Variants in PHF21B observed in about 807,000 individuals in gnomAD.
The protein encoded by PHF21B is PHD finger protein 21B.
A neutral mutation model predicts 62.2 loss-of-function variants in PHF21B; 22 were observed. The observed-to-expected ratio is 0.35, with a 90% CI of 0.25 to 0.51. The LOEUF (loss-of-function observed/expected upper bound fraction) is 0.51, where lower values mean the gene tolerates loss of function less well. PHF21B is among the 20% of genes least tolerant of loss of function. The pLI, the probability that PHF21B is intolerant of heterozygous loss-of-function variation, is 0.97. For missense variants in PHF21B, 701 were observed against 707.9 expected (o/e 0.99, Z 0.11); for synonymous variants, 341 against 314.7 (o/e 1.08, Z -0.88).
chr22:44,970,191 A>G (rs552827452), intron 2 of PHF21B, among the ~76,000 whole-genome samples: 2 of 152,380 alleles, frequency 1.3e-5, no homozygotes, highest in Admixed American at 6.5e-5. Context: ...CACTAGGAAG[A>G]AAGATTAAAA....
chr22:45,003,139 T>G (rs1048673125), intron 2 of PHF21B: 1 of 152,262 alleles, frequency 6.6e-6, no homozygotes, highest in African/African-American at 2.4e-5. Context: ...CTGGGTCCAC[T>G]CATTTCAACA....
At chr22:44,920,525 G>T in intron 2 of PHF21B, 35 bp from the exon 3 acceptor site, 1 of 1,549,106 alleles carries the variant, frequency 6.5e-7, no homozygotes, top group African/African-American at 1.4e-5. Flanking sequence ...TGAGACAGGA[G>T]GAGCAGCTGA....
chr22:44,893,472 G>A lies in PHF21B; in HGVS notation c.945C>T (p.Gly315=). 1 of 1,600,658 alleles carries A rather than the reference G, an allele frequency of 6.2e-7. No homozygotes were observed. The highest frequency in any genetic ancestry group is 8.5e-7 in the Non-Finnish European group (1 of 1,173,926). ...RRSTANPAYS[G]LLETERKRLA... ...GGTTCCCCACCTCGGTCTCCAGGAG[G>A]CCGCTGTAGGCAGGGTTGGCTGTGC... The change falls in exon 7 of 13, where the codon GGC becomes GGT. Residue 315 remains glycine (G), a synonymous_variant. Coordinates refer to ENST00000313237, the MANE Select transcript of PHF21B (RefSeq NM_138415.5).
intron 2 of PHF21B, among the ~76,000 whole-genome samples, chr22:44,954,742 T>A (rs2072260585): frequency 6.6e-6 from 1 of 152,218 alleles, no homozygotes; most frequent in South Asian, 2.1e-4. Flanking sequence ...ATTGTGTTTG[T>A]AGAGACCGGG....
chr22:44,931,398 C>A (rs546503003), intron 2 of PHF21B, among the ~76,000 whole-genome samples: 2 of 152,100 alleles, frequency 1.3e-5, no homozygotes, highest in African/African-American at 4.8e-5. Flanking sequence ...CCAGGCCGGC[C>A]GAGGCAGGCT....
At chr22:44,991,364 T>G (rs1349413307) in intron 2 of PHF21B, among the ~76,000 whole-genome samples, 1 of 152,148 alleles carries the variant, frequency 6.6e-6, no homozygotes, top group African/African-American at 2.4e-5. Flanking sequence ...TTCCGGTGCC[T>G]GGAAAACCCA....
intron 2 of PHF21B, among the ~76,000 whole-genome samples, chr22:44,962,697 A>T (rs919257973): frequency 6.6e-6 from 1 of 152,008 alleles, no homozygotes; most frequent in Non-Finnish European, 1.5e-5. Context: ...GTCCCATATA[A>T]CCCAGCGTCT....
chr22:44,906,888 C>T (rs1365088101), intron 5 of PHF21B, among the ~76,000 whole-genome samples: 2 of 151,910 alleles, frequency 1.3e-5, no homozygotes, highest in African/African-American at 2.4e-5. Flanking sequence ...GACACTGCTA[C>T]CTCACATCCC....
chr22:44,997,893 C>G (rs2147520846), intron 2 of PHF21B, among the ~76,000 whole-genome samples: 1 of 152,334 alleles, frequency 6.6e-6, no homozygotes, highest in African/African-American at 2.4e-5. Context: ...GGAGGCCCGC[C>G]CTTCCAAATT....
Position 44,953,133 on chromosome 22 carries a change from G to A in PHF21B, c.121-32643C>T, listed in dbSNP as rs543313038. 2.0e-5 allele frequency among the ~76,000 whole-genome samples: 3 copies of A among 152,322 alleles called. No homozygotes were observed. In the South Asian group the frequency reaches 6.2e-4, roughly 32 times the overall value. On this transcript the variant is annotated intron_variant, in intron 2 of 12. Coordinates refer to ENST00000313237, the MANE Select transcript of PHF21B (RefSeq NM_138415.5). ...GGCCCAGGGTGCCCATGAACACTGA[G>A]CCAGAAGGAGAAGGTCCCCACAGGA...
intron 2 of PHF21B, among the ~76,000 whole-genome samples, chr22:44,930,110 C>T (rs1021397081): frequency 2.6e-5 from 4 of 152,232 alleles, no homozygotes; most frequent in South Asian, 4.1e-4. Context: ...GTGAACAACA[C>T]GAGCACCTGC....
intron 2 of PHF21B, among the ~76,000 whole-genome samples, chr22:44,936,829 C>A (rs2071857445): frequency 6.7e-6 from 1 of 148,992 alleles, no homozygotes. Flanking sequence ...CTACAGGAAA[C>A]TTGTAATTTA....
intron 5 of PHF21B, among the ~76,000 whole-genome samples, chr22:44,900,672 G>C (rs2071142171): frequency 6.6e-6 from 1 of 151,984 alleles, no homozygotes; most frequent in South Asian, 2.1e-4. Context: ...TCCTTGGCTT[G>C]TTCTTTCTTT....
At chr22:44,965,568 G>A (rs757669836) in intron 2 of PHF21B, among the ~76,000 whole-genome samples, 9 of 151,998 alleles carry the variant, frequency 5.9e-5, no homozygotes, top group Non-Finnish European at 1.2e-4. Context: ...CACCCCAGAT[G>A]CAGCCTCTCC....
chr22:44,979,510 A>C (rs1309881445), intron 2 of PHF21B, among the ~76,000 whole-genome samples: 1 of 152,186 alleles, frequency 6.6e-6, no homozygotes, highest in Non-Finnish European at 1.5e-5. Context: ...CCAGTGGCAG[A>C]AAGGAAAGGT....
chr22:44,891,227 C>T, intron 8 of PHF21B, 79 bp downstream of exon 8: 1 of 1,529,708 alleles, frequency 6.5e-7, no homozygotes, highest in Non-Finnish European at 8.9e-7. Flanking sequence ...CTGCCCAGGC[C>T]CAGGCGTGGA....
chr22:44,944,605 G>A (rs136700), intron 2 of PHF21B, among the ~76,000 whole-genome samples: 22,273 of 152,194 alleles, frequency 0.15, 2,230 homozygotes, highest in East Asian at 0.4. Context: ...TCCTGAGCCT[G>A]CCCACCAGCA....
chr22:45,004,795 G>A (rs78776611), intron 2 of PHF21B, among the ~76,000 whole-genome samples: 1,962 of 152,300 alleles, frequency 0.013, 25 homozygotes, highest in African/African-American at 0.036. Flanking sequence ...CGCTGGGCGC[G>A]CACACAACAC....
At chr22:44,910,334 A>G (rs1391981937) in intron 5 of PHF21B, among the ~76,000 whole-genome samples, 1 of 152,148 alleles carries the variant, frequency 6.6e-6, no homozygotes, top group East Asian at 1.9e-4. Context: ...TAATCCCAGC[A>G]CTTTCGGAGG....
Sources: allele counts gnomAD v4.1 joint callset (sites outside exome capture counted in the v4.1 genomes callset), GRCh38; gene constraint gnomAD v4.1.1; transcripts MANE v1.5; gene names NCBI Gene and HGNC (gene_info 2026-07-23, HGNC 2026-07-21).